Variants in ZNF215 observed in about 807,000 individuals in gnomAD.
ZNF215 encodes the protein zinc finger protein 215.
In ZNF215, 24 loss-of-function variants were observed where a neutral mutation model predicts 27.2. The observed-to-expected ratio is 0.88, with a 90% CI of 0.64 to 1.24. ZNF215 has a LOEUF of 1.24. Ranked by LOEUF, ZNF215 falls within the 50% of genes most tolerant of loss-of-function variation. The probability of loss-of-function intolerance (pLI) is 0.00; values close to 1 mark genes in which losing one functional copy is unlikely to be tolerated. For synonymous variants in ZNF215, 210 were observed against 204.0 expected (o/e 1.03, Z -0.25); for missense variants, 675 against 605.7 (o/e 1.11, Z -1.20).
chr11:6,942,088 C>G (rs1410053111), intron 4 of ZNF215, among the ~76,000 whole-genome samples: 2 of 152,072 alleles, frequency 1.3e-5, no homozygotes, highest in Non-Finnish European at 2.9e-5. Context: ...TTTAAAGGGT[C>G]AAAATAATAC....
At chr11:6,993,038 G>A (rs761063299), downstream of ZNF215, among the ~76,000 whole-genome samples, 31 of 152,314 alleles carry the variant, frequency 2.0e-4, 1 homozygote, top group Non-Finnish European at 3.1e-4. Flanking sequence ...ATGCTTTGAT[G>A]TACTTATGCA....
At chr11:6,959,707 C>T (rs1017244126), downstream of ZNF215, among the ~76,000 whole-genome samples, 1 of 152,040 alleles carries the variant, frequency 6.6e-6, no homozygotes, top group African/African-American at 2.4e-5. Context: ...AAATTCTAAT[C>T]AGATATTCAA....
At chr11:6,979,878 C>T (rs1423969390) in intron 5 of ZNF215, among the ~76,000 whole-genome samples, 3 of 151,972 alleles carry the variant, frequency 2.0e-5, no homozygotes, top group Admixed American at 6.6e-5. Context: ...CAGCTATAAA[C>T]GTGATAGACT....
At chr11:6,946,936 G>A (rs1325340468) in intron 6 of ZNF215, among the ~76,000 whole-genome samples, 1 of 152,178 alleles carries the variant, frequency 6.6e-6, no homozygotes, top group Non-Finnish European at 1.5e-5. Context: ...GGCTGTTTAT[G>A]TGGTTTATTG....
chr11:6,960,662 A>C (rs976474101), downstream of ZNF215, among the ~76,000 whole-genome samples: 6 of 152,110 alleles, frequency 3.9e-5, no homozygotes, highest in African/African-American at 1.2e-4. Context: ...CCCAGGTGTC[A>C]TTGCCATAGA....
At chr11:6,989,155 A>C (rs1243883556), downstream of ZNF215, among the ~76,000 whole-genome samples, 49 of 102,136 alleles carry the variant, frequency 4.8e-4, 1 homozygote, top group African/African-American at 1.7e-3. Context: ...CGTCTCAAAA[A>C]AAAAAAAAAA....
chr11:6,938,266 A>G (rs529943839), intron 3 of ZNF215, among the ~76,000 whole-genome samples: 2 of 152,190 alleles, frequency 1.3e-5, no homozygotes, highest in East Asian at 3.9e-4. Context: ...TCATTAGAGA[A>G]TTGCAACTCA....
chr11:6,989,792 A>G (rs1040111005), downstream of ZNF215, among the ~76,000 whole-genome samples: 1 of 152,170 alleles, frequency 6.6e-6, no homozygotes, highest in Non-Finnish European at 1.5e-5. Flanking sequence ...TTCAATTTTT[A>G]TGTAACAAGG....
chr11:6,941,790 C>T (rs2133212365), intron 4 of ZNF215, 137 bp downstream of exon 4: 1 of 819,102 alleles, frequency 1.2e-6, no homozygotes, highest in African/African-American at 1.7e-5. Context: ...CCACAGGACA[C>T]TGGACCTATT....
At chr11:6,985,658 TC>T (rs1851043185), downstream of ZNF215, among the ~76,000 whole-genome samples, 1 of 152,168 alleles carries the variant, frequency 6.6e-6, no homozygotes, top group Admixed American at 6.5e-5. Flanking sequence ...GCAAAAATGC[TC>T]CTAGAGCTTA....
intron 5 of ZNF215, among the ~76,000 whole-genome samples, chr11:6,983,686 T>C (rs76722678): frequency 0.021 from 3,211 of 152,304 alleles, 120 homozygotes; most frequent in African/African-American, 0.073. Flanking sequence ...TCAGAGACAT[T>C]GTTTTAAACT....
chr11:6,937,448 T>A (rs544964985), intron 3 of ZNF215, among the ~76,000 whole-genome samples: 1 of 148,558 alleles, frequency 6.7e-6, no homozygotes, highest in Middle Eastern at 3.3e-3. Flanking sequence ...CAAAGCAATC[T>A]ACAGATTCAA....
At position 6,955,816 on chromosome 11, in the gene ZNF215, G is replaced by T. The variant is rs1262298254; in HGVS notation, c.839G>T (p.Trp280Leu). 3 of 1,613,624 alleles carry T rather than the reference G, an allele frequency of 1.9e-6. No homozygotes were observed. The highest frequency in any genetic ancestry group is 2.5e-6 in the Non-Finnish European group (3 of 1,179,942). The change falls in exon 7 of 7, where the codon TGG (tryptophan) becomes TTG (leucine). Residue 280 changes from tryptophan to leucine, a missense_variant. Physicochemically the swap from Trp to Leu is moderately conservative, Grantham distance 61. Coordinates refer to ENST00000278319, the MANE Select transcript of ZNF215 (RefSeq NM_013250.4). ...TGGTTATATAGGAACCAGAAAAAAT[G>T]GGACATAAATTTGCCACAAGAGGCT... ...ENWLYRNQKK[W>L]DINLPQEAFI...
downstream of ZNF215, among the ~76,000 whole-genome samples, chr11:6,991,527 A>G (rs1851117817): frequency 6.6e-6 from 1 of 151,802 alleles, no homozygotes; most frequent in Non-Finnish European, 1.5e-5. Context: ...ACTCCAAGTC[A>G]CCCCTACACA....
At chr11:6,964,003 A>G (rs1029400418) in intron 5 of ZNF215, among the ~76,000 whole-genome samples, 5 of 152,038 alleles carry the variant, frequency 3.3e-5, no homozygotes, top group African/African-American at 1.2e-4. Context: ...CATTTACCAT[A>G]CCACTATGTT....
intron 6 of ZNF215, among the ~76,000 whole-genome samples, chr11:6,953,604 C>G (rs1219788270): frequency 2.0e-5 from 3 of 152,222 alleles, no homozygotes; most frequent in Admixed American, 2.0e-4. Context: ...CTAAGCACTT[C>G]TCTGTATTGG....
chr11:6,960,684 C>T (rs560057110), downstream of ZNF215, among the ~76,000 whole-genome samples: 3 of 152,172 alleles, frequency 2.0e-5, no homozygotes, highest in South Asian at 2.1e-4. Flanking sequence ...TGCCCTGGAT[C>T]GATACCCTGA....
At position 6,955,685 on chromosome 11, in the gene ZNF215, T is replaced by C; in HGVS notation, c.713-5T>C. 1.3e-6 allele frequency: 2 copies of C among 1,538,856 alleles called. No homozygotes were observed. The highest frequency in any genetic ancestry group is 1.7e-6 in the Non-Finnish European group (2 of 1,149,862). ...TAGTTCATGGCATTTTTTATTTCTC[T>C]TTAGACATGAAGAGTATTTCTGGAG... On this transcript the variant is annotated splice_polypyrimidine_tract_variant and splice_region_variant and intron_variant, in intron 6 of 6. Transcript: ENST00000278319.
chr11:6,935,474 C>G (rs903960739), intron 3 of ZNF215, among the ~76,000 whole-genome samples: 3 of 152,122 alleles, frequency 2.0e-5, no homozygotes, highest in Non-Finnish European at 4.4e-5. Context: ...GGAACAGATT[C>G]ATGCAGGTAA....
Sources: allele counts gnomAD v4.1 joint callset (sites outside exome capture counted in the v4.1 genomes callset), GRCh38; gene constraint gnomAD v4.1.1; transcripts MANE v1.5; gene names NCBI Gene and HGNC (gene_info 2026-07-23, HGNC 2026-07-21).